GHR: variants seen among roughly 807,000 people sequenced by gnomAD.
GHR encodes GH receptor.
In GHR, 35 loss-of-function variants were observed where a neutral mutation model predicts 67.1. That is an observed-to-expected ratio of 0.52 (90% CI 0.40 to 0.69). The LOEUF (loss-of-function observed/expected upper bound fraction) is 0.69, where lower values mean the gene tolerates loss of function less well. GHR is among the 30% of genes least tolerant of loss of function. The pLI is 0.00. For missense variants in GHR, 792 were observed against 764.6 expected (o/e 1.04, Z -0.42); for synonymous variants, 272 against 269.1 (o/e 1.01, Z -0.10).
rs76279189 is a variant in GHR, at chr5:42,611,342, C to T, written c.71-17696C>T. 0.012 allele frequency among the ~76,000 whole-genome samples: 1,821 copies of T among 152,218 alleles called. 65 individuals carry two copies. In the East Asian group the frequency reaches 0.12, roughly 10 times the overall value. ...AGAGTCTTCCACAGTCTAGTCCCAA[C>T]CACTTTTTCCAACCTTAATTACCAT... On this transcript the variant is annotated intron_variant, in intron 2 of 9. Transcript: ENST00000230882.
At chr5:42,534,134 A>G (rs1223367109) in intron 1 of GHR, among the ~76,000 whole-genome samples, 1 of 148,142 alleles carries the variant, frequency 6.8e-6, no homozygotes. Context: ...ATATATATGT[A>G]CATATGTATA....
intron 3 of GHR, among the ~76,000 whole-genome samples, chr5:42,661,931 C>CA (rs1033071393): frequency 6.6e-6 from 1 of 151,748 alleles, no homozygotes; most frequent in Non-Finnish European, 1.5e-5. Flanking sequence ...AAATGGAAAA[C>CA]AAAAAAAGTC....
At chr5:42,702,472 T>C (rs1035149979) in intron 6 of GHR, among the ~76,000 whole-genome samples, 1 of 152,078 alleles carries the variant, frequency 6.6e-6, no homozygotes, top group African/African-American at 2.4e-5. Context: ...GTCGATTCTA[T>C]TTCTTGGCTG....
At chr5:42,704,459 A>T (rs150171570) in intron 6 of GHR, among the ~76,000 whole-genome samples, 32 of 152,114 alleles carry the variant, frequency 2.1e-4, no homozygotes, top group Admixed American at 4.6e-4. Flanking sequence ...GTTTCCTAGT[A>T]TTTTGTTTAA....
chr5:42,572,291 C>T (rs924855746), intron 2 of GHR, among the ~76,000 whole-genome samples: 1 of 152,114 alleles, frequency 6.6e-6, no homozygotes, highest in Non-Finnish European at 1.5e-5. Context: ...TGTCATCAGG[C>T]AGAGTCACCA....
intron 4 of GHR, among the ~76,000 whole-genome samples, chr5:42,692,209 C>T (rs1193205939): frequency 6.6e-6 from 1 of 151,694 alleles, no homozygotes; most frequent in South Asian, 2.1e-4. Flanking sequence ...AAACAGCTGC[C>T]CTTAAAAACA....
chr5:42,447,462 G>A (rs1301071675), intron 1 of GHR, among the ~76,000 whole-genome samples: 7 of 152,106 alleles, frequency 4.6e-5, no homozygotes, highest in African/African-American at 1.2e-4. Context: ...TATTTTGTTC[G>A]TTTTTATGGC....
intron 1 of GHR, among the ~76,000 whole-genome samples, chr5:42,512,954 A>G (rs1747082529): frequency 1.3e-5 from 2 of 152,084 alleles, no homozygotes; most frequent in African/African-American, 2.4e-5. Context: ...TATTACTTTG[A>G]TGTCCTGAAC....
rs78369001 is a variant in GHR, at chr5:42,468,194, T to C, written c.-12+44239T>C. The C allele has an allele frequency of 1.8e-3, 2,582 of 1,420,672 alleles. 23 individuals carry two copies. The African/African-American group carries it at 0.024, about 13-fold the overall frequency. 88.0% of individuals were successfully genotyped at this position (1,420,672 alleles called of 1,614,324 possible). On this transcript the variant is annotated intron_variant, in intron 1 of 9. Transcript: ENST00000230882. Reference sequence around the variant, plus strand: ...CGAAACTCCCCTGGGGCCCAGACTTTGATGTTCTCAGAGTGCACTTGTTGG... The same window carrying C: ...CGAAACTCCCCTGGGGCCCAGACTTCGATGTTCTCAGAGTGCACTTGTTGG...
chr5:42,655,285 A>C (rs1238157049), intron 3 of GHR, among the ~76,000 whole-genome samples: 2 of 152,154 alleles, frequency 1.3e-5, no homozygotes, highest in African/African-American at 4.8e-5. Context: ...TGCTTCTAAC[A>C]GAGCAATTAT....
chr5:42,534,664 G>T (rs1417989612), intron 1 of GHR, among the ~76,000 whole-genome samples: 1 of 151,868 alleles, frequency 6.6e-6, no homozygotes, highest in Admixed American at 6.6e-5. Flanking sequence ...TCTTTCCTCT[G>T]GGTAGATACC....
At chr5:42,709,135 G>A (rs1758326742) in intron 6 of GHR, among the ~76,000 whole-genome samples, 1 of 151,956 alleles carries the variant, frequency 6.6e-6, no homozygotes, top group Admixed American at 6.6e-5. Context: ...GCTTAGCAGT[G>A]TGCTTTTTTT....
At chr5:42,476,616 T>A (rs962400979) in intron 1 of GHR, among the ~76,000 whole-genome samples, 5 of 152,250 alleles carry the variant, frequency 3.3e-5, no homozygotes, top group African/African-American at 1.2e-4. Context: ...AGAGAGAAAT[T>A]GTTGGAAAAT....
chr5:42,440,863 C>A (rs1192340173), intron 1 of GHR, among the ~76,000 whole-genome samples: 1 of 152,136 alleles, frequency 6.6e-6, no homozygotes, highest in Non-Finnish European at 1.5e-5. Flanking sequence ...ATGGTAAACT[C>A]CAAGGTACTG....
At chr5:42,653,682 G>A (rs1247088555) in intron 3 of GHR, among the ~76,000 whole-genome samples, 1 of 152,136 alleles carries the variant, frequency 6.6e-6, no homozygotes, top group Admixed American at 6.6e-5. Flanking sequence ...AGTGGCATCT[G>A]TGGCTTCTAA....
intron 2 of GHR, among the ~76,000 whole-genome samples, chr5:42,588,551 A>AAAAAAAAAAAAAT (rs1751613744): frequency 8.5e-5 from 12 of 141,936 alleles, no homozygotes; most frequent in South Asian, 2.2e-4. Flanking sequence ...AAAAAAAAAA[A>AAAAAAAAAAAAAT]GTGACCTATA....
At chr5:42,585,429 T>G (rs960177320) in intron 2 of GHR, among the ~76,000 whole-genome samples, 2 of 101,508 alleles carry the variant, frequency 2.0e-5, no homozygotes, top group Non-Finnish European at 4.8e-5. Context: ...TTTTAGGATG[T>G]AGGGCATGTC....
intron 3 of GHR, among the ~76,000 whole-genome samples, chr5:42,669,123 TGTGATCCTTGGACTGAA>T (rs1039041145): frequency 4.6e-5 from 7 of 152,172 alleles, no homozygotes; most frequent in African/African-American, 1.7e-4. Context: ...TTCAGTGTGC[TGTGATCCTTGGACTGAA>T]TATACTGTTT....
chr5:42,468,929 G>C, intron 1 of GHR: 1 of 501,586 alleles, frequency 2.0e-6, no homozygotes, highest in Non-Finnish European at 3.5e-6. Context: ...CCAAGAGCGC[G>C]TGCTTCAGCT....
Sources: allele counts gnomAD v4.1 joint callset (sites outside exome capture counted in the v4.1 genomes callset), GRCh38; gene constraint gnomAD v4.1.1; transcripts MANE v1.5; gene names NCBI Gene and HGNC (gene_info 2026-07-23, HGNC 2026-07-21).